Variants in TENM1 observed in about 807,000 individuals in gnomAD.
TENM1 encodes teneurin-1.
TENM1 carries 35 observed loss-of-function variants against 174.8 expected under a neutral mutation model. The ratio of observed to expected loss-of-function variants is 0.20; its 90% CI spans 0.15 to 0.27. The LOEUF (loss-of-function observed/expected upper bound fraction) is 0.27, where lower values mean the gene tolerates loss of function less well. Ranked by LOEUF, TENM1 falls within the 10% of genes least tolerant of loss-of-function variation. The probability of loss-of-function intolerance (pLI) is 1.00; values close to 1 mark genes in which losing one functional copy is unlikely to be tolerated. For synonymous variants in TENM1, 781 were observed against 798.7 expected, an observed-to-expected ratio of 0.98 and a Z score of 0.37; for missense variants, 1,633 against 2,130.1, an observed-to-expected ratio of 0.77 and a Z score of 4.59.
chrX:125,131,572 T>C, the TENM1 span, among the ~76,000 whole-genome samples: 3 of 112,138 alleles, frequency 2.7e-5, no homozygotes, highest in Non-Finnish European at 5.6e-5. Flanking sequence ...GTGGCAGGCA[T>C]TTGGCTGATT....
chrX:124,563,097 C>T (rs1338157037), intron 13 of TENM1, among the ~76,000 whole-genome samples: 1 of 111,278 alleles, frequency 9.0e-6, no homozygotes, highest in African/African-American at 3.3e-5. Flanking sequence ...TAGTTCTATT[C>T]TAATGGATAG....
At chrX:124,882,613 C>T (rs1220740993) in intron 3 of TENM1, among the ~76,000 whole-genome samples, 1 of 112,238 alleles carries the variant, frequency 8.9e-6, no homozygotes, top group East Asian at 2.8e-4. Flanking sequence ...AAAGTGATTG[C>T]TTTATCATTA....
chrX:124,831,097 T>C (rs1483355824), intron 3 of TENM1, among the ~76,000 whole-genome samples: 1 of 111,608 alleles, frequency 9.0e-6, no homozygotes, highest in Non-Finnish European at 1.9e-5. Context: ...AGCAACACTC[T>C]CACGACTTTA....
intron 1 of TENM1, among the ~76,000 whole-genome samples, chrX:124,962,804 T>A (rs1251857498): frequency 6.4e-5 from 7 of 110,075 alleles, no homozygotes; most frequent in African/African-American, 2.3e-4. Flanking sequence ...GGCAACAGAG[T>A]GAGATTCTGT....
At chrX:124,986,893 C>T in the TENM1 span, among the ~76,000 whole-genome samples, 3 of 111,594 alleles carry the variant, frequency 2.7e-5, no homozygotes, top group East Asian at 2.8e-4. Flanking sequence ...CCGCCTGCCT[C>T]GGCCTCCCAA....
chrX:124,788,611 A>G (rs1057009741), intron 3 of TENM1, among the ~76,000 whole-genome samples: 2 of 112,748 alleles, frequency 1.8e-5, no homozygotes, highest in Non-Finnish European at 3.7e-5. Flanking sequence ...CAAAGGGGCT[A>G]CAGGCCCCAT....
chrX:124,810,621 C>A (rs2055743719), intron 3 of TENM1, among the ~76,000 whole-genome samples: 1 of 111,309 alleles, frequency 9.0e-6, no homozygotes, highest in African/African-American at 3.3e-5. Flanking sequence ...TTTATTCTAC[C>A]CAATGCGATA....
intron 11 of TENM1, among the ~76,000 whole-genome samples, chrX:124,638,504 C>T (rs1234287159): frequency 1.8e-5 from 2 of 110,832 alleles, no homozygotes; most frequent in Non-Finnish European, 3.8e-5. Context: ...TTTATTAAAT[C>T]ATATATAAAG....
At chrX:125,087,695 T>C in the TENM1 span, among the ~76,000 whole-genome samples, 1 of 111,063 alleles carries the variant, frequency 9.0e-6, no homozygotes, top group Admixed American at 9.6e-5. Context: ...TGGAAGTATG[T>C]CTAAGGGACA....
chrX:125,138,894 C>G, the TENM1 span, among the ~76,000 whole-genome samples: 1 of 110,870 alleles, frequency 9.0e-6, no homozygotes, highest in Non-Finnish European at 1.9e-5. Flanking sequence ...TCCCCCATCC[C>G]TTTCTCCAGG....
At chrX:124,794,273 G>A (rs951565548) in intron 3 of TENM1, among the ~76,000 whole-genome samples, 3 of 111,358 alleles carry the variant, frequency 2.7e-5, no homozygotes, top group South Asian at 3.8e-4. Context: ...CTCAAGCCTA[G>A]GTTTGTGTAT....
the TENM1 span, among the ~76,000 whole-genome samples, chrX:124,992,431 GTC>G: frequency 9.0e-6 from 1 of 111,100 alleles, no homozygotes; most frequent in African/African-American, 3.3e-5. Flanking sequence ...CTGCCCTCCT[GTC>G]TCTTAGTCCC....
intron 19 of TENM1, among the ~76,000 whole-genome samples, chrX:124,502,289 G>C (rs1479208551): frequency 8.9e-6 from 1 of 112,196 alleles, no homozygotes; most frequent in African/African-American, 3.2e-5. Context: ...AAAATCAGGG[G>C]GCCCCCCCCA....
chrX:124,768,432 C>A (rs1425418180), intron 3 of TENM1, among the ~76,000 whole-genome samples: 2 of 111,828 alleles, frequency 1.8e-5, no homozygotes, highest in Non-Finnish European at 3.8e-5. Context: ...TCTTTCTCAT[C>A]TCCAGATTCC....
intron 3 of TENM1, among the ~76,000 whole-genome samples, chrX:124,850,915 A>G (rs1244371553): frequency 9.0e-6 from 1 of 111,697 alleles, no homozygotes; most frequent in African/African-American, 3.2e-5. Context: ...TGGCATTCAA[A>G]CACTATGAGA....
At chrX:124,613,050 T>C (rs1216889048) in intron 11 of TENM1, among the ~76,000 whole-genome samples, 1 of 111,646 alleles carries the variant, frequency 9.0e-6, no homozygotes, top group Non-Finnish European at 1.9e-5. Context: ...CATTGCCTTC[T>C]ACAATGTGTA....
chrX:124,460,576 C>G (rs913965885), intron 22 of TENM1, among the ~76,000 whole-genome samples: 2 of 109,706 alleles, frequency 1.8e-5, no homozygotes, highest in Non-Finnish European at 3.8e-5. Context: ...TGGGGCCTAT[C>G]GGATAGTGGA....
At chrX:125,009,496 C>A in the TENM1 span, among the ~76,000 whole-genome samples, 6 of 111,267 alleles carry the variant, frequency 5.4e-5, no homozygotes, top group South Asian at 2.3e-3. Context: ...TATTCCAAAC[C>A]ATTGAAAAGG....
At chrX:124,645,630 A>T (rs1299569680) in intron 9 of TENM1, among the ~76,000 whole-genome samples, 1 of 111,970 alleles carries the variant, frequency 8.9e-6, no homozygotes, top group Non-Finnish European at 1.9e-5. Context: ...TTTCTTTCTT[A>T]TATTTTTCTT....
Sources: allele counts gnomAD v4.1 joint callset (sites outside exome capture counted in the v4.1 genomes callset), GRCh38; gene constraint gnomAD v4.1.1; transcripts MANE v1.5; gene names NCBI Gene and HGNC (gene_info 2026-07-23, HGNC 2026-07-21).